Variants in CFAP58 observed in about 807,000 individuals in gnomAD.
CFAP58 encodes cilia and flagella associated protein 58.
In CFAP58, 88 loss-of-function variants were observed where a neutral mutation model predicts 119.5. That is an observed-to-expected ratio of 0.74 (90% confidence interval 0.62 to 0.88). CFAP58 has a LOEUF of 0.88. Ranked by LOEUF, CFAP58 falls within the 40% of genes least tolerant of loss-of-function variation. The probability of loss-of-function intolerance (pLI) is 0.00; values close to 1 mark genes in which losing one functional copy is unlikely to be tolerated. For missense variants in CFAP58, 990 were observed against 1,021.2 expected (o/e 0.97, Z 0.42); for synonymous variants, 365 against 366.3 (o/e 1.00, Z 0.04).
chr10:104,422,466 T>C (rs2012676748), intron 15 of CFAP58, among the ~76,000 whole-genome samples: 1 of 152,160 alleles, frequency 6.6e-6, no homozygotes, highest in African/African-American at 2.4e-5. Flanking sequence ...ACAATAATCA[T>C]TTATTAGGTG....
At chr10:104,431,979 G>T (rs1485355563) in intron 15 of CFAP58, among the ~76,000 whole-genome samples, 1 of 151,974 alleles carries the variant, frequency 6.6e-6, no homozygotes, top group Non-Finnish European at 1.5e-5. Context: ...GAACATTTAG[G>T]TTTTTTTCTT....
intron 7 of CFAP58, among the ~76,000 whole-genome samples, chr10:104,372,760 T>C (rs774681814): frequency 3.3e-5 from 5 of 152,236 alleles, no homozygotes; most frequent in Non-Finnish European, 7.3e-5. Flanking sequence ...AAAAAAGTTT[T>C]ACCCATTTGG....
At chr10:104,419,896 G>T (rs1235428555) in intron 15 of CFAP58, among the ~76,000 whole-genome samples, 1 of 152,100 alleles carries the variant, frequency 6.6e-6, no homozygotes, top group Non-Finnish European at 1.5e-5. Context: ...GACTATGATG[G>T]TACCTTCAAG....
At chr10:104,340,797 C>T in the CFAP58 span, among the ~76,000 whole-genome samples, 1 of 152,124 alleles carries the variant, frequency 6.6e-6, no homozygotes, top group Non-Finnish European at 1.5e-5. Context: ...GGGTTAGTAT[C>T]TATTCAGGCC....
chr10:104,421,423 T>C (rs1256837696), intron 15 of CFAP58, among the ~76,000 whole-genome samples: 1 of 152,232 alleles, frequency 6.6e-6, no homozygotes, highest in Admixed American at 6.5e-5. Context: ...ATATATCCCC[T>C]GCCTATGTGC....
intron 9 of CFAP58, 141 bp downstream of exon 9, chr10:104,380,361 A>G: frequency 1.3e-6 from 1 of 788,780 alleles, no homozygotes; most frequent in Middle Eastern, 3.8e-4. Flanking sequence ...AACGATGTGG[A>G]CAAAATATAA....
rs1021077637 is a variant in CFAP58 at position 104,357,956 on chromosome 10, C to A, written c.10-385C>A. 6.5e-5 allele frequency among the ~76,000 whole-genome samples: 7 copies of A among 108,446 alleles called. 1 individual carries two copies. Among genetic ancestry groups the A allele is most frequent in the South Asian group, 2.5e-4 (1 of 4,056 alleles). 71.1% of individuals were successfully genotyped at this position (108,446 alleles called of 152,430 possible). On this transcript the variant is annotated intron_variant, in intron 1 of 17. Transcript: ENST00000369704. Reference sequence around the variant, plus strand: ...ACACACATATATGTACACATATATACACATATATGTACACATATGTACATA... The same window carrying A: ...ACACACATATATGTACACATATATAAACATATATGTACACATATGTACATA...
At chr10:104,450,870 C>A (rs1397404609) in intron 17 of CFAP58, among the ~76,000 whole-genome samples, 7 of 151,884 alleles carry the variant, frequency 4.6e-5, no homozygotes, top group African/African-American at 1.2e-4. Context: ...TAGTTATTAT[C>A]TCTGAACCAT....
chr10:104,409,220 T>G (rs2012419115), intron 15 of CFAP58, among the ~76,000 whole-genome samples: 1 of 152,240 alleles, frequency 6.6e-6, no homozygotes, highest in Admixed American at 6.5e-5. Flanking sequence ...TTAATAAATA[T>G]TCACTATTTC....
intron 15 of CFAP58, among the ~76,000 whole-genome samples, chr10:104,435,148 G>A (rs994374779): frequency 1.3e-5 from 2 of 152,218 alleles, no homozygotes; most frequent in Admixed American, 6.5e-5. Flanking sequence ...TGGATAGATG[G>A]TTGGATGAAT....
At position 104,393,234 on chromosome 10, in the gene CFAP58, G is replaced by C. The variant is rs1049390917; in HGVS notation, c.1528-95G>C. On this transcript the variant is annotated intron_variant, in intron 10 of 17. Coordinates refer to ENST00000369704, the MANE Select transcript of CFAP58 (RefSeq NM_001008723.2). ...TGATCAAGAGACCATTGTTTTGAGA[G>C]AGCGTCCCTTAAAAGCTCTGAAATA... is the stretch of plus-strand genomic sequence containing the variant. 4.1e-5 allele frequency: 45 copies of C among 1,107,884 alleles called. No individual in the cohort carries two copies. The Admixed American group carries it at 8.3e-4, about 20-fold the overall frequency. The allele number at this position is 1,107,884 out of a possible 1,614,324, so 68.6% of individuals were successfully genotyped here.
chr10:104,437,062 G>T (rs1260502185), intron 15 of CFAP58, among the ~76,000 whole-genome samples: 3 of 152,174 alleles, frequency 2.0e-5, no homozygotes, highest in African/African-American at 7.2e-5. Flanking sequence ...TTTCATATAA[G>T]TTCAAATCTT....
intron 1 of CFAP58, among the ~76,000 whole-genome samples, chr10:104,355,708 C>T (rs1462647897): frequency 6.6e-6 from 1 of 152,218 alleles, no homozygotes; most frequent in Non-Finnish European, 1.5e-5. Context: ...ACGTTGATTT[C>T]ATCCTTCTGA....
At chr10:104,365,660 C>T (rs542005784) in intron 4 of CFAP58, among the ~76,000 whole-genome samples, 154 bp from the exon 5 acceptor site, 82 of 152,202 alleles carry the variant, frequency 5.4e-4, no homozygotes, top group Admixed American at 1.7e-3. Flanking sequence ...AGTTTGAACA[C>T]TGGGGCTCAA....
intron 15 of CFAP58, among the ~76,000 whole-genome samples, chr10:104,408,006 T>A (rs532082175): frequency 6.6e-6 from 1 of 152,224 alleles, no homozygotes; most frequent in Non-Finnish European, 1.5e-5. Flanking sequence ...CCAAAGCCCA[T>A]AATTTTAATC....
chr10:104,382,781 CA>C lies in CFAP58; in HGVS notation c.1365+2562del, dbSNP rs1025479126. Among the ~76,000 whole-genome samples, 43 of 152,198 alleles carry C rather than the reference CA, an allele frequency of 2.8e-4. 2 individuals are homozygous for C. On this transcript the variant is annotated intron_variant, in intron 9 of 17. Coordinates refer to ENST00000369704, the MANE Select transcript of CFAP58 (RefSeq NM_001008723.2). ...CTTGTGAAGAAGATGCCTGCTTCCC[CA>C]TCCACCATGATTGTAAGTTTCCTGA...
intron 11 of CFAP58, among the ~76,000 whole-genome samples, chr10:104,396,703 G>A (rs943114759): frequency 6.6e-6 from 1 of 152,204 alleles, no homozygotes; most frequent in African/African-American, 2.4e-5. Context: ...TAAAGGCTGT[G>A]TCCCGCCATC....
intron 15 of CFAP58, among the ~76,000 whole-genome samples, chr10:104,426,136 A>T (rs1448778554): frequency 2.6e-5 from 4 of 152,116 alleles, no homozygotes; most frequent in Non-Finnish European, 5.9e-5. Context: ...GGAGGCTGAG[A>T]TGGGAGGATC....
chr10:104,402,086 A>C (rs1252708611), intron 13 of CFAP58, among the ~76,000 whole-genome samples: 1 of 111,060 alleles, frequency 9.0e-6, no homozygotes, highest in Non-Finnish European at 2.2e-5. Flanking sequence ...TGGGAAGACA[A>C]CTTAATAAAT....
Sources: allele counts gnomAD v4.1 joint callset (sites outside exome capture counted in the v4.1 genomes callset), GRCh38; gene constraint gnomAD v4.1.1; transcripts MANE v1.5; gene names NCBI Gene and HGNC (gene_info 2026-07-23, HGNC 2026-07-21).